Variants in SPRYD7 observed in about 807,000 individuals in gnomAD.
SPRYD7 encodes the protein SPRY domain containing 7.
SPRYD7 carries 14 observed loss-of-function variants against 23.8 expected under a neutral mutation model. The ratio of observed to expected loss-of-function variants is 0.59; its 90% CI spans 0.39 to 0.92. SPRYD7 has a LOEUF of 0.92. SPRYD7 is among the 40% of genes least tolerant of loss of function. The pLI is 0.00. For missense variants in SPRYD7, 194 were observed against 241.7 expected (o/e 0.80, Z 1.31); for synonymous variants, 75 against 84.9 (o/e 0.88, Z 0.64).
chr13:49,912,718 T>C lies in SPRYD7; in HGVS notation c.*2345A>G, dbSNP rs1184793709. 6.6e-6 allele frequency: 1 copy of C among 152,138 alleles called. No homozygotes were observed. 9.4% of individuals were successfully genotyped at this position (152,138 alleles called of 1,614,324 possible). A position where few individuals can be genotyped will look rare whatever the true frequency, so the allele number is the denominator to read the frequency against. Reference sequence around the variant, plus strand: ...ATAACATCATAACGATAGCAAACAGTAGTCACTTTAATTTGCTTTCCCAAG... The same window carrying C: ...ATAACATCATAACGATAGCAAACAGCAGTCACTTTAATTTGCTTTCCCAAG... On this transcript the variant is annotated 3_prime_UTR_variant, in exon 5 of 5. Transcript: ENST00000361840.
chr13:49,918,661 A>G (rs1202071986), intron 4 of SPRYD7, among the ~76,000 whole-genome samples: 2 of 151,660 alleles, frequency 1.3e-5, no homozygotes, highest in Non-Finnish European at 2.9e-5. Context: ...TACAGGCATG[A>G]GCCACCGTGC....
intron 4 of SPRYD7, among the ~76,000 whole-genome samples, chr13:49,918,877 G>A (rs1955783679): frequency 6.6e-6 from 1 of 150,436 alleles, no homozygotes; most frequent in Non-Finnish European, 1.5e-5. Context: ...ACCACGTCTG[G>A]CTAATTTTTT....
intron 3 of SPRYD7, among the ~76,000 whole-genome samples, chr13:49,924,912 G>A (rs1474673112): frequency 6.7e-6 from 1 of 150,296 alleles, no homozygotes; most frequent in African/African-American, 2.5e-5. Flanking sequence ...GGAGGTGAAG[G>A]TTGCAGTAAG....
chr13:49,932,869 CT>C (rs560277972), intron 1 of SPRYD7, among the ~76,000 whole-genome samples: 1 of 151,508 alleles, frequency 6.6e-6, no homozygotes, highest in Non-Finnish European at 1.5e-5. Context: ...TCATTAACAT[CT>C]TTTTTTTTCT....
Position 49,936,323 on chromosome 13 carries a change from A to G in SPRYD7, c.-88T>C. 2 of 937,582 alleles carry G rather than the reference A, an allele frequency of 2.1e-6. No homozygotes were observed. Among genetic ancestry groups the G allele is most frequent in the South Asian group, 3.3e-5 (2 of 60,646 alleles). 58.1% of individuals were successfully genotyped at this position (937,582 alleles called of 1,614,324 possible). ...CAGCTCCGTCTCCTGCCCCCGCCCGAGGTCCGGACTTGTCTATGTGGAGCT... is the reference window on the plus strand; with the variant it reads ...CAGCTCCGTCTCCTGCCCCCGCCCGGGGTCCGGACTTGTCTATGTGGAGCT... On this transcript the variant is annotated 5_prime_UTR_variant, in exon 1 of 5. Coordinates refer to ENST00000361840, the MANE Select transcript of SPRYD7 (RefSeq NM_020456.4).
intron 2 of SPRYD7, among the ~76,000 whole-genome samples, chr13:49,930,261 T>C (rs954890857): frequency 6.6e-6 from 1 of 152,060 alleles, no homozygotes; most frequent in Non-Finnish European, 1.5e-5. Context: ...TGATGACTGC[T>C]TCAAAACACT....
chr13:49,931,636 T>C (rs973315798), intron 1 of SPRYD7, among the ~76,000 whole-genome samples: 2 of 152,216 alleles, frequency 1.3e-5, no homozygotes, highest in East Asian at 1.9e-4. Flanking sequence ...ATAAGTAATA[T>C]TCATTTGTAT....
intron 1 of SPRYD7, 88 bp downstream of exon 1, chr13:49,936,042 C>CGCG: frequency 1.3e-6 from 1 of 787,350 alleles, no homozygotes; most frequent in East Asian, 3.5e-5. Context: ...GGCGGGGCAG[C>CGCG]GTGGGGACCC....
chr13:49,922,821 A>AG (rs1955835471), intron 3 of SPRYD7, among the ~76,000 whole-genome samples: 1 of 2,794 alleles, frequency 3.6e-4, no homozygotes. Context: ...AGAGGTAAAA[A>AG]AAAAAAATTT....
chr13:49,913,125 T>C lies in SPRYD7; in HGVS notation c.*1938A>G, dbSNP rs1338617873. 1 of 152,136 alleles carries C rather than the reference T, an allele frequency of 6.6e-6. No homozygotes were observed. Among genetic ancestry groups the C allele is most frequent in the East Asian group, 1.9e-4 (1 of 5,184 alleles). The allele number at this position is 152,136 out of a possible 1,614,324, so 9.4% of individuals were successfully genotyped here. ...GATGTTGCCGGTCTGAGAAGCATCA[T>C]GAGAACCACTTTCTGGCTGGGTGTG... is the stretch of plus-strand genomic sequence containing the variant. On this transcript the variant is annotated 3_prime_UTR_variant, in exon 5 of 5. Coordinates refer to ENST00000361840, the MANE Select transcript of SPRYD7 (RefSeq NM_020456.4).
chr13:49,919,065 T>C (rs1955786247), intron 4 of SPRYD7, among the ~76,000 whole-genome samples: 1 of 152,012 alleles, frequency 6.6e-6, no homozygotes, highest in Non-Finnish European at 1.5e-5. Context: ...TGAGAAAATA[T>C]TTTTAGACTT....
chr13:49,931,899 G>C (rs761682078), intron 1 of SPRYD7, among the ~76,000 whole-genome samples: 3 of 152,206 alleles, frequency 2.0e-5, no homozygotes, highest in Non-Finnish European at 4.4e-5. Context: ...AGTGAACTGA[G>C]ATTGCACCAC....
chr13:49,915,149 C>T lies in SPRYD7; in HGVS notation c.505G>A (p.Ala169Thr). Residue 169 changes from alanine to threonine, a missense_variant, in exon 5 of 5, where the codon GCA (alanine) becomes ACA (threonine). Coordinates refer to ENST00000361840, the MANE Select transcript of SPRYD7 (RefSeq NM_020456.4). ...TCACTGAACTGGCAATCCAAAATTG[C>T]ACTGTCATCAACTAAAGGATACAAA... is the stretch of plus-strand genomic sequence containing the variant. ...VYPVVYVDDS[A>T]ILDCQFSEFY... 6.4e-7 allele frequency: 1 copy of T among 1,557,402 alleles called. No individual in the cohort carries two copies. Among genetic ancestry groups the T allele is most frequent in the Non-Finnish European group, 8.7e-7 (1 of 1,144,924 alleles).
In SPRYD7 at chr13:49,913,169, T is replaced by A. The variant is rs1231620661; in HGVS notation, c.*1894A>T. On this transcript the variant is annotated 3_prime_UTR_variant, in exon 5 of 5. Transcript: ENST00000361840. ...GGGTGTGGTGGCTTACGCCTATAAT[T>A]CCAGCACTTTGGGAGGCTGAGGGAG... is the stretch of plus-strand genomic sequence containing the variant. 1 of 152,100 alleles carries A rather than the reference T, an allele frequency of 6.6e-6. No homozygotes were observed. Among genetic ancestry groups the A allele is most frequent in the East Asian group, 1.9e-4 (1 of 5,174 alleles). The allele number at this position is 152,100 out of a possible 1,614,324, so 9.4% of individuals were successfully genotyped here.
At chr13:49,917,178 A>G (rs1955761977) in intron 4 of SPRYD7, among the ~76,000 whole-genome samples, 1 of 151,954 alleles carries the variant, frequency 6.6e-6, no homozygotes, top group Non-Finnish European at 1.5e-5. Flanking sequence ...ATCTCGGCTC[A>G]CTGCAAGCTC....
chr13:49,934,550 C>T (rs1162952445), intron 1 of SPRYD7, among the ~76,000 whole-genome samples: 3 of 117,546 alleles, frequency 2.6e-5, no homozygotes, highest in African/African-American at 3.5e-5. Context: ...AGTGAAACTC[C>T]GTCTCAAAAA....
intron 4 of SPRYD7, among the ~76,000 whole-genome samples, chr13:49,919,757 T>C (rs1955796543): frequency 7.4e-6 from 1 of 135,696 alleles, no homozygotes; most frequent in Non-Finnish European, 1.6e-5. Flanking sequence ...GTTGATAGTA[T>C]AAAAAATAAA....
intron 4 of SPRYD7, among the ~76,000 whole-genome samples, chr13:49,919,686 C>A (rs1156413814): frequency 7.1e-6 from 1 of 141,246 alleles, no homozygotes; most frequent in Non-Finnish European, 1.5e-5. Flanking sequence ...AAGATCACAA[C>A]ACTGCACTCC....
chr13:49,921,328 G>A, intron 4 of SPRYD7, 150 bp downstream of exon 4: 1 of 528,612 alleles, frequency 1.9e-6, no homozygotes. Context: ...GGCCTCCCCA[G>A]CTCTGTGGAA....
Sources: gnomAD v4.1 joint callset for allele counts (sites outside exome capture counted in the v4.1 genomes callset) on GRCh38, gnomAD v4.1.1 for gene constraint, MANE v1.5 for transcripts, NCBI Gene and HGNC (gene_info 2026-07-23, HGNC 2026-07-21) for gene names.